PEPD: variants seen among roughly 807,000 people sequenced by gnomAD.
The protein encoded by PEPD is peptidase D, also known as xaa-Pro dipeptidase.
In PEPD, 53 loss-of-function variants were observed where a neutral mutation model predicts 60.7. The observed-to-expected ratio is 0.87, with a 90% CI of 0.70 to 1.10. The LOEUF is 1.10. Among genes scored for constraint, PEPD ranks in the 50% least tolerant of loss-of-function variants. The probability of loss-of-function intolerance (pLI) is 0.00; values close to 1 mark genes in which losing one functional copy is unlikely to be tolerated. For missense variants in PEPD, 711 were observed against 711.9 expected, an observed-to-expected ratio of 1.00 and a Z score of 0.01; for synonymous variants, 267 against 284.1, an observed-to-expected ratio of 0.94 and a Z score of 0.60.
Position 33,433,773 on chromosome 19 carries a change from G to A in PEPD, c.672-20130C>T, listed in dbSNP as rs564501716. On this transcript the variant is annotated intron_variant, in intron 9 of 14. Transcript: ENST00000244137. ...CAAGTGCACAAATGGTCATTTTACC[G>A]TGTCGGTCTGTAGCTCTGGAGATGT... Among the ~76,000 whole-genome samples, 5 of 152,338 alleles carry A rather than the reference G, an allele frequency of 3.3e-5. No individual in the cohort carries two copies. In the East Asian group the frequency reaches 5.8e-4, roughly 18 times the overall value.
intron 1 of PEPD, among the ~76,000 whole-genome samples, chr19:33,518,324 G>T (rs1600181720): frequency 6.6e-6 from 1 of 152,126 alleles, no homozygotes; most frequent in South Asian, 2.1e-4. Context: ...GCCTCCCATA[G>T]GCCCACCCGT....
chr19:33,485,527 T>TTAACTTGA (rs1491541463), intron 6 of PEPD, among the ~76,000 whole-genome samples: 41 of 148,962 alleles, frequency 2.8e-4, no homozygotes, highest in Non-Finnish European at 4.6e-4. Context: ...ATCCTAAATA[T>TTAACTTGA]TAACTTGATA....
intron 9 of PEPD, among the ~76,000 whole-genome samples, chr19:33,453,531 T>C (rs1484757474): frequency 6.6e-6 from 1 of 152,242 alleles, no homozygotes; most frequent in East Asian, 1.9e-4. Flanking sequence ...ACTTTGTGTG[T>C]GTCAGCATTT....
At chr19:33,503,890 G>C (rs1465165666) in intron 3 of PEPD, among the ~76,000 whole-genome samples, 1 of 152,094 alleles carries the variant, frequency 6.6e-6, no homozygotes, top group East Asian at 1.9e-4. Flanking sequence ...TGTGGCACCT[G>C]ACCTTGTCAC....
At chr19:33,387,642 G>A in intron 14 of PEPD, 161 bp from the exon 15 acceptor site, 2 of 931,806 alleles carry the variant, frequency 2.1e-6, no homozygotes. Flanking sequence ...ATCTGCCCAT[G>A]TCACCTGCTC....
chr19:33,500,984 T>G lies in PEPD; in HGVS notation c.347A>C (p.His116Pro). ...TWMGKIHSKE[H>P]FKEKYAVDDV... ...GTCCACGGCATACTTCTCCTTGAAG[T>G]GCTCCTTGGAATGGATCCTCAAAGA... is the stretch of plus-strand genomic sequence containing the variant. Residue 116 changes from histidine to proline, a missense_variant, in exon 4 of 15, where the codon CAC becomes CCC. Physicochemically the swap from His to Pro is moderately conservative, Grantham distance 77. Coordinates refer to ENST00000244137, the MANE Select transcript of PEPD (RefSeq NM_000285.4). 6.2e-7 allele frequency: 1 copy of G among 1,603,328 alleles called. No homozygotes were observed. The highest frequency in any genetic ancestry group is 8.5e-7 in the Non-Finnish European group (1 of 1,170,262).
chr19:33,521,704 C>T (rs1206035816), intron 1 of PEPD, 40 bp downstream of exon 1: 2 of 1,570,028 alleles, frequency 1.3e-6, no homozygotes, highest in Admixed American at 1.8e-5. Flanking sequence ...ATGCCCCTCT[C>T]CACGCCAGCG....
intron 2 of PEPD, 164 bp from the exon 3 acceptor site, chr19:33,511,319 C>T: frequency 1.4e-6 from 1 of 698,554 alleles, no homozygotes; most frequent in African/African-American, 1.7e-5. Context: ...CTCCCCAGCT[C>T]ATCCTCCCGT....
At chr19:33,475,601 T>C (rs1321728555) in intron 7 of PEPD, among the ~76,000 whole-genome samples, 1 of 152,168 alleles carries the variant, frequency 6.6e-6, no homozygotes, top group African/African-American at 2.4e-5. Context: ...AATTAAAGCA[T>C]GCTTCTTTGA....
At chr19:33,508,399 T>G (rs1970854157) in intron 3 of PEPD, among the ~76,000 whole-genome samples, 1 of 152,196 alleles carries the variant, frequency 6.6e-6, no homozygotes, top group Non-Finnish European at 1.5e-5. Context: ...AGACCTAAAC[T>G]CTTCGTCACT....
chr19:33,450,691 T>C (rs1293849781), intron 9 of PEPD, among the ~76,000 whole-genome samples: 1 of 151,866 alleles, frequency 6.6e-6, no homozygotes, highest in Non-Finnish European at 1.5e-5. Flanking sequence ...GGTAAGACAA[T>C]GCAAATGTTG....
At chr19:33,479,075 A>T (rs1970270609) in intron 6 of PEPD, among the ~76,000 whole-genome samples, 1 of 152,226 alleles carries the variant, frequency 6.6e-6, no homozygotes, top group Admixed American at 6.5e-5. Context: ...AGAATGAGGA[A>T]AAGGAGACAT....
chr19:33,500,189 C>T (rs907680591), intron 4 of PEPD, among the ~76,000 whole-genome samples: 1 of 152,242 alleles, frequency 6.6e-6, no homozygotes, highest in Non-Finnish European at 1.5e-5. Flanking sequence ...CGGCACTGAC[C>T]TGCACAGGAC....
At chr19:33,450,478 T>C (rs1040982643) in intron 9 of PEPD, among the ~76,000 whole-genome samples, 1 of 152,144 alleles carries the variant, frequency 6.6e-6, no homozygotes, top group Non-Finnish European at 1.5e-5. Context: ...AGGGAATGGT[T>C]TTATGGAACA....
intron 9 of PEPD, among the ~76,000 whole-genome samples, chr19:33,437,679 C>T (rs1397646406): frequency 2.0e-5 from 3 of 152,234 alleles, no homozygotes; most frequent in African/African-American, 7.2e-5. Context: ...TTCTCAACTG[C>T]TAAGTGCAGA....
At chr19:33,511,264 T>G in intron 2 of PEPD, 109 bp from the exon 3 acceptor site, 1 of 1,107,682 alleles carries the variant, frequency 9.0e-7, no homozygotes, top group Non-Finnish European at 1.4e-6. Flanking sequence ...GACAGCCTCC[T>G]GTAACTGACC....
intron 3 of PEPD, among the ~76,000 whole-genome samples, chr19:33,509,550 G>A (rs2145350712): frequency 6.6e-6 from 1 of 152,272 alleles, no homozygotes; most frequent in Non-Finnish European, 1.5e-5. Flanking sequence ...GGAAGCAGGG[G>A]AAGCTCCACT....
chr19:33,468,147 G>A (rs988597618), intron 7 of PEPD, among the ~76,000 whole-genome samples: 1 of 152,184 alleles, frequency 6.6e-6, no homozygotes, highest in Non-Finnish European at 1.5e-5. Context: ...GGAGAATGGA[G>A]GTGGGCAACC....
intron 4 of PEPD, among the ~76,000 whole-genome samples, chr19:33,493,594 T>G (rs998167858): frequency 2.6e-5 from 4 of 151,922 alleles, no homozygotes; most frequent in Non-Finnish European, 5.9e-5. Context: ...CCGCCCTGCT[T>G]CCAGGCACCA....
Sources: gnomAD v4.1 joint callset for allele counts (sites outside exome capture counted in the v4.1 genomes callset) on GRCh38, gnomAD v4.1.1 for gene constraint, MANE v1.5 for transcripts, NCBI Gene and HGNC (gene_info 2026-07-23, HGNC 2026-07-21) for gene names.